TACO1: variants seen among roughly 807,000 people sequenced by gnomAD.
TACO1 encodes translational activator of cytochrome c oxidase I.
A neutral mutation model predicts 24.0 loss-of-function variants in TACO1; 13 were observed. The observed-to-expected ratio is 0.54, with a 90% CI of 0.35 to 0.86. TACO1 has a LOEUF of 0.86. Among genes scored for constraint, TACO1 ranks in the 40% least tolerant of loss-of-function variants. The pLI, the probability that TACO1 is intolerant of heterozygous loss-of-function variation, is 0.01. For synonymous variants in TACO1, 149 were observed against 153.5 expected, an observed-to-expected ratio of 0.97 and a Z score of 0.22; for missense variants, 352 against 380.1, an observed-to-expected ratio of 0.93 and a Z score of 0.61.
rs758990640 is a variant in TACO1, at chr17:63,604,579, T to TA, written c.327dup (p.Glu110ArgfsTer14). On this transcript the variant is annotated frameshift_variant, in exon 2 of 5. Transcript: ENST00000258975. LOFTEE classifies it high-confidence loss of function. ...CACAACAGCAACCTGGCCAATATCT[T>TA]AGAGGTGTGTCGCAGCAAACATATG... The TA allele has an allele frequency of 1.2e-6, 2 of 1,613,964 alleles. No homozygotes were observed. The highest frequency in any genetic ancestry group is 1.3e-5 in the African/African-American group (1 of 74,876).
At chr17:63,601,648 C>T (rs2033822706) in intron 1 of TACO1, among the ~76,000 whole-genome samples, 1 of 152,158 alleles carries the variant, frequency 6.6e-6, no homozygotes, top group Admixed American at 6.5e-5. Flanking sequence ...CCTAATCTAG[C>T]TGGGTACTTA....
chr17:63,602,963 C>T (rs896188355), intron 1 of TACO1, among the ~76,000 whole-genome samples: 10 of 152,160 alleles, frequency 6.6e-5, no homozygotes, highest in Admixed American at 2.0e-4. Flanking sequence ...GTGCTGGGCA[C>T]GGTGGCTCAC....
rs1274975158 is a variant in TACO1 at position 63,607,527 on chromosome 17, A to G, written c.693+63A>G. 1.0e-5 allele frequency: 16 copies of G among 1,560,856 alleles called. No individual in the cohort carries two copies. The East Asian group carries it at 2.7e-4, about 26-fold the overall frequency. The stretch of plus-strand genomic sequence containing the variant: ...GAGGACCCTGATAGATGCCTTATGC[A>G]TGCCTCTTGGTTTCTTCCTTCATGT... On this transcript the variant is annotated intron_variant, in intron 4 of 4. Coordinates refer to ENST00000258975, the MANE Select transcript of TACO1 (RefSeq NM_016360.4).
intron 4 of TACO1, 152 bp downstream of exon 4, chr17:63,607,616 A>G: frequency 1.0e-6 from 1 of 976,388 alleles, no homozygotes; most frequent in Non-Finnish European, 1.6e-6. Context: ...AATACTGAAT[A>G]GGACCGACTC....
At chr17:63,602,103 A>C (rs960670943) in intron 1 of TACO1, among the ~76,000 whole-genome samples, 1 of 150,612 alleles carries the variant, frequency 6.6e-6, no homozygotes, top group Non-Finnish European at 1.5e-5. Context: ...AAAAAAAAAA[A>C]AAAAAAAACA....
In TACO1 at chr17:63,604,526, A is replaced by T. The variant is rs200628111; in HGVS notation, c.281-8A>T. 1 of 1,612,526 alleles carries T rather than the reference A, an allele frequency of 6.2e-7. No individual in the cohort carries two copies. Among genetic ancestry groups the T allele is most frequent in the East Asian group, 2.2e-5 (1 of 44,872 alleles). On this transcript the variant is annotated splice_polypyrimidine_tract_variant and splice_region_variant and intron_variant, in intron 1 of 4. Coordinates refer to ENST00000258975, the MANE Select transcript of TACO1 (RefSeq NM_016360.4). ...TCACTCTTTTTTTTCTTTTTCTTTA[A>T]ATCTCAGAAGGAGGCCCCAACCCTG...
Position 63,601,041 on chromosome 17 carries a change from T to C in TACO1, c.-43T>C, listed in dbSNP as rs1297376286. On this transcript the variant is annotated 5_prime_UTR_variant, in exon 1 of 5. Transcript: ENST00000258975. ...CGGCAGTGGAAGAGACGCGCCGGCG[T>C]TGGCCGCTGCTGCTAGCAGCTTGAA... The C allele has an allele frequency of 6.5e-7, 1 of 1,535,074 alleles. No individual in the cohort carries two copies.
At chr17:63,607,699 A>G (rs1167914493) in intron 4 of TACO1, 103 bp from the exon 5 acceptor site, 17 of 1,171,006 alleles carry the variant, frequency 1.5e-5, no homozygotes, top group Non-Finnish European at 2.1e-5. Context: ...GCTCAAACCC[A>G]GTGATCCATT....
Position 63,601,116 on chromosome 17 carries a change from G to A in TACO1, c.33G>A (p.Arg11=). 1 of 1,542,496 alleles carries A rather than the reference G, an allele frequency of 6.5e-7. No homozygotes were observed. The highest frequency in any genetic ancestry group is 1.2e-5 in the South Asian group (1 of 83,924). MSAWAAASLS[R]AAARCLLARG... is the part of the protein sequence containing the mutation. Reference sequence around the variant, plus strand: ...CTTGGGCTGCTGCCAGCCTAAGCAGGGCCGCTGCCCGATGCTTGCTGGCAC... The same window carrying A: ...CTTGGGCTGCTGCCAGCCTAAGCAGAGCCGCTGCCCGATGCTTGCTGGCAC... The change falls in exon 1 of 5, where the codon AGG becomes AGA. Residue 11 remains arginine (R), a synonymous_variant. Coordinates refer to ENST00000258975, the MANE Select transcript of TACO1 (RefSeq NM_016360.4).
chr17:63,604,415 G>A (rs2033846718), intron 1 of TACO1, 119 bp from the exon 2 acceptor site: 3 of 815,832 alleles, frequency 3.7e-6, no homozygotes, highest in Non-Finnish European at 6.4e-6. Context: ...AGGTAACTGA[G>A]AGCTAAATGG....
At chr17:63,605,223 C>T (rs1328976409) in intron 2 of TACO1, among the ~76,000 whole-genome samples, 1 of 151,904 alleles carries the variant, frequency 6.6e-6, no homozygotes, top group African/African-American at 2.4e-5. Context: ...AAAGAAGGGG[C>T]AGTGTGGGAG....
intron 3 of TACO1, 36 bp from the exon 4 acceptor site, chr17:63,607,251 C>T (rs1198758794): frequency 1.3e-6 from 2 of 1,595,090 alleles, no homozygotes; most frequent in Non-Finnish European, 1.7e-6. Context: ...CTTCTAGAGG[C>T]ATCCACTCAT....
At chr17:63,604,782 G>T in intron 2 of TACO1, 142 bp downstream of exon 2, 2 of 786,588 alleles carry the variant, frequency 2.5e-6, no homozygotes, top group Non-Finnish European at 4.3e-6. Flanking sequence ...GGGAGGCTAA[G>T]GTGGGTGGAT....
At chr17:63,606,514 T>A in intron 3 of TACO1, 74 bp downstream of exon 3, 1 of 1,573,346 alleles carries the variant, frequency 6.4e-7, no homozygotes, top group Non-Finnish European at 8.7e-7. Flanking sequence ...CAAGTACTGT[T>A]GATCTCTGCT....
At chr17:63,607,052 C>T (rs2033867256) in intron 3 of TACO1, 1 of 579,142 alleles carries the variant, frequency 1.7e-6, no homozygotes, top group Non-Finnish European at 3.1e-6. Flanking sequence ...AAATTATCAG[C>T]TAAGTCTGCT....
intron 1 of TACO1, among the ~76,000 whole-genome samples, chr17:63,602,587 C>A (rs1026183007): frequency 6.6e-6 from 1 of 151,912 alleles, no homozygotes; most frequent in Non-Finnish European, 1.5e-5. Context: ...AGTGCAGTGG[C>A]GTGATCTTGG....
chr17:63,601,500 C>A, intron 1 of TACO1, 137 bp downstream of exon 1: 1 of 959,946 alleles, frequency 1.0e-6, no homozygotes, highest in Non-Finnish European at 1.6e-6. Context: ...CCACCATTGC[C>A]CACCTCATAA....
chr17:63,601,203 G>A lies in TACO1; in HGVS notation c.120G>A (p.Arg40=), dbSNP rs1328483293. 5 of 1,572,916 alleles carry A rather than the reference G, an allele frequency of 3.2e-6. No individual in the cohort carries two copies. The South Asian group carries it at 5.8e-5, about 18-fold the overall frequency. Residue 40 remains arginine, a synonymous_variant, in exon 1 of 5, where the codon CGG becomes CGA. Coordinates refer to ENST00000258975, the MANE Select transcript of TACO1 (RefSeq NM_016360.4). ...RDPRPSHPEP[R]GCGAAPGRTL... ...CCCGGCCCTCCCACCCCGAGCCCCG[G>A]GGCTGCGGTGCCGCTCCGGGCAGGA...
At position 63,606,386 on chromosome 17, in the gene TACO1, C is replaced by T. The variant is rs2033862176; in HGVS notation, c.461C>T (p.Ser154Phe). ...GGSSLLIEAL[S>F]NSSHKCQADI... ...TCTTCTCTGCTCATCGAGGCATTATCTAACAGTAGCCACAAGTGCCAAGCA... is the reference window on the plus strand; with the variant it reads ...TCTTCTCTGCTCATCGAGGCATTATTTAACAGTAGCCACAAGTGCCAAGCA... Residue 154 changes from serine (S) to phenylalanine (F), a missense_variant, in exon 3 of 5, where the codon TCT (serine) becomes TTT (phenylalanine). Transcript: ENST00000258975. The T allele has an allele frequency of 6.2e-7, 1 of 1,614,072 alleles. No homozygotes were observed. Among genetic ancestry groups the T allele is most frequent in the Non-Finnish European group, 8.5e-7 (1 of 1,180,036 alleles).
Sources: allele counts gnomAD v4.1 joint callset (sites outside exome capture counted in the v4.1 genomes callset), GRCh38; gene constraint gnomAD v4.1.1; transcripts MANE v1.5; gene names NCBI Gene and HGNC (gene_info 2026-07-23, HGNC 2026-07-21).